The following MYO9A variants were observed in gnomAD, a reference collection of about 807,000 sequenced individuals.
MYO9A encodes the protein myosin IXA.
In MYO9A, 103 loss-of-function variants were observed where a neutral mutation model predicts 293.3. The ratio of observed to expected loss-of-function variants is 0.35; its 90% CI spans 0.30 to 0.41. MYO9A has a LOEUF of 0.41. MYO9A is among the 10% of genes least tolerant of loss of function. MYO9A has a pLI of 1.00. For missense variants in MYO9A, 2,685 were observed against 3,033.0 expected (o/e 0.89, Z 2.69); for synonymous variants, 1,001 against 1,035.7 (o/e 0.97, Z 0.64).
chr15:72,089,764 G>A (rs1319393014), intron 1 of MYO9A, among the ~76,000 whole-genome samples: 4 of 152,154 alleles, frequency 2.6e-5, no homozygotes, highest in Non-Finnish European at 4.4e-5. Context: ...TTGGACAACA[G>A]TGTGAGACCC....
At chr15:71,840,640 T>C (rs1241990164) in intron 39 of MYO9A, among the ~76,000 whole-genome samples, 1 of 151,884 alleles carries the variant, frequency 6.6e-6, no homozygotes, top group Non-Finnish European at 1.5e-5. Flanking sequence ...TCTTTTTTTG[T>C]TTTTTTTGAG....
chr15:71,887,998 T>G lies in MYO9A; in HGVS notation c.5255+6A>C. 1 of 1,494,296 alleles carries G rather than the reference T, an allele frequency of 6.7e-7. No individual in the cohort carries two copies. Among genetic ancestry groups the G allele is most frequent in the Non-Finnish European group, 9.3e-7 (1 of 1,076,720 alleles). 92.6% of individuals were successfully genotyped at this position (1,494,296 alleles called of 1,614,324 possible). ...AACCCCTGTTAACTCCGTGTATACT[T>G]TATACCTTATATCTGAATCTGAAGC... On this transcript the variant is annotated splice_donor_region_variant and intron_variant, in intron 27 of 41. Transcript: ENST00000356056.
intron 12 of MYO9A, among the ~76,000 whole-genome samples, chr15:71,970,987 T>C (rs1483211704): frequency 6.6e-6 from 1 of 151,444 alleles, no homozygotes; most frequent in Non-Finnish European, 1.5e-5. Context: ...TGAAACCCCA[T>C]CTCTACTGAA....
chr15:71,875,932 G>T, intron 31 of MYO9A, 94 bp from the exon 32 acceptor site: 1 of 620,738 alleles, frequency 1.6e-6, no homozygotes, highest in Non-Finnish European at 2.4e-6. Flanking sequence ...TTGCTCAACA[G>T]GTAACACAAT....
chr15:71,868,727 CA>C (rs1423576056), intron 32 of MYO9A, among the ~76,000 whole-genome samples: 3 of 151,810 alleles, frequency 2.0e-5, no homozygotes, highest in African/African-American at 4.8e-5. Flanking sequence ...GAAAGGATAG[CA>C]AATAAGTTTA....
At chr15:72,065,806 T>C (rs939335558) in intron 1 of MYO9A, among the ~76,000 whole-genome samples, 3 of 152,164 alleles carry the variant, frequency 2.0e-5, no homozygotes, top group African/African-American at 7.2e-5. Flanking sequence ...CAGATTATTA[T>C]GAGGATATAT....
At chr15:72,063,768 GAAC>G (rs978326073) in intron 1 of MYO9A, among the ~76,000 whole-genome samples, 7 of 152,128 alleles carry the variant, frequency 4.6e-5, no homozygotes, top group Non-Finnish European at 7.4e-5. Flanking sequence ...ACTAAAAACA[GAAC>G]TACTATATGA....
At chr15:71,995,555 A>C (rs1248700811) in intron 9 of MYO9A, among the ~76,000 whole-genome samples, 1 of 151,550 alleles carries the variant, frequency 6.6e-6, no homozygotes, top group East Asian at 1.9e-4. Context: ...AGAAAGCATA[A>C]ATTTACAAAA....
At chr15:72,035,763 C>G (rs1473651191) in intron 2 of MYO9A, among the ~76,000 whole-genome samples, 1 of 152,134 alleles carries the variant, frequency 6.6e-6, no homozygotes, top group Non-Finnish European at 1.5e-5. Context: ...TGTGACTGTA[C>G]CACTGCACTC....
chr15:71,831,958 A>ACGG (rs2054746027), intron 39 of MYO9A, among the ~76,000 whole-genome samples: 1 of 152,190 alleles, frequency 6.6e-6, no homozygotes, highest in Non-Finnish European at 1.5e-5. Flanking sequence ...GGAAGAAACA[A>ACGG]AAGAATGGAA....
chr15:72,040,318 G>A (rs1363834890), intron 2 of MYO9A: 1 of 152,302 alleles, frequency 6.6e-6, no homozygotes, highest in African/African-American at 2.4e-5. Flanking sequence ...GAATGAGACA[G>A]GCAAGTAACA....
intron 1 of MYO9A, among the ~76,000 whole-genome samples, chr15:72,061,585 A>G (rs1347112534): frequency 6.6e-6 from 1 of 151,538 alleles, no homozygotes; most frequent in Non-Finnish European, 1.5e-5. Context: ...TGGTAGCCAC[A>G]GGGAGAGACT....
At position 72,028,220 on chromosome 15, in the gene MYO9A, T is replaced by TAA. The variant is rs1023222998; in HGVS notation, c.936-428_936-427insTT. 2.7e-3 allele frequency among the ~76,000 whole-genome samples: 367 copies of TAA among 135,816 alleles called. 3 individuals carry two copies. Among genetic ancestry groups the TAA allele is most frequent in the Middle Eastern group, 0.022 (6 of 270 alleles). 89.1% of individuals were successfully genotyped at this position (135,816 alleles called of 152,430 possible). A position where few individuals can be genotyped will look rare whatever the true frequency, so the allele number is the denominator to read the frequency against. ...TCAAAAAAATAAATAAATAAATAAA[T>TAA]ATATATATATATATATATAAATATA... is the stretch of plus-strand genomic sequence containing the variant. On this transcript the variant is annotated intron_variant, in intron 3 of 41. Coordinates refer to ENST00000356056, the MANE Select transcript of MYO9A (RefSeq NM_006901.4).
chr15:71,991,016 G>T (rs2076530672), intron 11 of MYO9A, 87 bp downstream of exon 11: 1 of 1,203,514 alleles, frequency 8.3e-7, no homozygotes, highest in African/African-American at 1.6e-5. Flanking sequence ...TCAATAAAAT[G>T]TGTGAAAAAA....
chr15:71,899,735 T>A lies in MYO9A; in HGVS notation c.3422A>T (p.Lys1141Ile). ...ACATGTTGATTGCAAAAGGATAATT[T>A]TTTTCCTTTGTTCTTGGTACCTTTT... ...ESKRYQEQRK[K>I]IILLQSTCRG... Residue 1141 changes from lysine to isoleucine, a missense_variant, in exon 24 of 42, where the codon AAA becomes ATA. Around this residue, in one of 10 missense-constraint regions of MYO9A, gnomAD observed 1,434 missense variants for 1,497.7 expected, o/e 0.96. Coordinates refer to ENST00000356056, the MANE Select transcript of MYO9A (RefSeq NM_006901.4). 6.2e-7 allele frequency: 1 copy of A among 1,614,054 alleles called. No individual in the cohort carries two copies. Among genetic ancestry groups the A allele is most frequent in the Non-Finnish European group, 8.5e-7 (1 of 1,179,994 alleles).
intron 1 of MYO9A, among the ~76,000 whole-genome samples, chr15:72,115,192 C>G (rs912111274): frequency 6.6e-6 from 1 of 152,154 alleles, no homozygotes; most frequent in African/African-American, 2.4e-5. Flanking sequence ...AAATATTCAA[C>G]TCTACCTGTA....
At chr15:71,977,907 G>A (rs558215051) in intron 12 of MYO9A, among the ~76,000 whole-genome samples, 2 of 152,118 alleles carry the variant, frequency 1.3e-5, no homozygotes, top group African/African-American at 2.4e-5. Flanking sequence ...CATGGTGGCG[G>A]GCACCTGTAG....
intron 39 of MYO9A, among the ~76,000 whole-genome samples, chr15:71,834,308 T>C (rs990712498): frequency 6.6e-6 from 1 of 152,010 alleles, no homozygotes; most frequent in African/African-American, 2.4e-5. Flanking sequence ...ATTAAAGAAA[T>C]TGAATCCAGA....
chr15:72,109,469 A>G (rs777585242), intron 1 of MYO9A, among the ~76,000 whole-genome samples: 1 of 152,140 alleles, frequency 6.6e-6, no homozygotes, highest in Non-Finnish European at 1.5e-5. Context: ...TATCTTTTGA[A>G]TCTAGTTGAT....
Sources: allele counts gnomAD v4.1 joint callset (sites outside exome capture counted in the v4.1 genomes callset), GRCh38; gene constraint gnomAD v4.1.1; regional missense constraint gnomAD v4.1.1; transcripts MANE v1.5; gene names NCBI Gene and HGNC (gene_info 2026-07-23, HGNC 2026-07-21).